Variants in FKTN observed in about 807,000 individuals in gnomAD.
The protein encoded by FKTN is fukutin.
FKTN carries 47 observed loss-of-function variants against 58.6 expected under a neutral mutation model. The ratio of observed to expected loss-of-function variants is 0.80; its 90% CI spans 0.63 to 1.02. The LOEUF is 1.02. FKTN is among the 50% of genes least tolerant of loss of function. FKTN has a pLI of 0.00. For missense variants in FKTN, 516 were observed against 537.3 expected (o/e 0.96, Z 0.39); for synonymous variants, 178 against 191.9 (o/e 0.93, Z 0.60).
rs191319461 is a variant in FKTN, at chr9:105,612,428, A to G, written c.781-2850A>G. Among the ~76,000 whole-genome samples, 9 of 152,034 alleles carry G rather than the reference A, an allele frequency of 5.9e-5. No individual in the cohort carries two copies. In the East Asian group the frequency reaches 1.7e-3, roughly 29 times the overall value. On this transcript the variant is annotated intron_variant, in intron 7 of 10. Coordinates refer to ENST00000357998, the MANE Select transcript of FKTN (RefSeq NM_001079802.2). ...TTTGTCAGTTTTTGCTTTTGTTGCA[A>G]TTTCTTTTGGCATCTTCATGAAATT...
chr9:105,579,100 C>T (rs1046073967), intron 3 of FKTN, among the ~76,000 whole-genome samples: 1 of 151,636 alleles, frequency 6.6e-6, no homozygotes, highest in Non-Finnish European at 1.5e-5. Flanking sequence ...ATTTTGTTGA[C>T]CTTTTCAAAA....
chr9:105,575,522 T>A (rs188411454), intron 3 of FKTN, among the ~76,000 whole-genome samples: 1 of 152,336 alleles, frequency 6.6e-6, no homozygotes, highest in Admixed American at 6.5e-5. Context: ...GACTTACCTT[T>A]ATCTGTATGT....
intron 3 of FKTN, among the ~76,000 whole-genome samples, chr9:105,584,454 A>C (rs962740312): frequency 6.6e-5 from 10 of 151,876 alleles, no homozygotes; most frequent in Admixed American, 6.6e-4. Context: ...CTTGTTTTTT[A>C]TGTTTACTTT....
chr9:105,639,793 C>T lies in FKTN; in HGVS notation c.*4529C>T. 5 of 1,156,818 alleles carry T rather than the reference C, an allele frequency of 4.3e-6. No individual in the cohort carries two copies. Among genetic ancestry groups the T allele is most frequent in the Non-Finnish European group, 5.3e-6 (5 of 939,268 alleles). The allele number at this position is 1,156,818 out of a possible 1,614,324, so 71.7% of individuals were successfully genotyped here. Reference sequence around the variant, plus strand: ...TTCATTTTCTTGGTTAAGCAGTTGTCTCCTAATATTATCCCATATGCTACC... The same window carrying T: ...TTCATTTTCTTGGTTAAGCAGTTGTTTCCTAATATTATCCCATATGCTACC... On this transcript the variant is annotated 3_prime_UTR_variant, in exon 11 of 11. Transcript: ENST00000357998.
chr9:105,640,338 G>A lies in FKTN; in HGVS notation c.*5074G>A, dbSNP rs545936210. ...AGCTAAGGCAGGTGGATCACTTGAG[G>A]CCAGGAGTTCGAGACCAGCCTGGCC... is the stretch of plus-strand genomic sequence containing the variant. On this transcript the variant is annotated 3_prime_UTR_variant, in exon 11 of 11. Coordinates refer to ENST00000357998, the MANE Select transcript of FKTN (RefSeq NM_001079802.2). The A allele has an allele frequency of 7.5e-6, 4 of 533,004 alleles. No homozygotes were observed. Among genetic ancestry groups the A allele is most frequent in the African/African-American group, 2.0e-5 (1 of 51,270 alleles). 33.0% of individuals were successfully genotyped at this position (533,004 alleles called of 1,614,324 possible). A position where few individuals can be genotyped will look rare whatever the true frequency, so the allele number is the denominator to read the frequency against.
chr9:105,614,884 C>CTT (rs35592716), intron 7 of FKTN, among the ~76,000 whole-genome samples: 24 of 144,706 alleles, frequency 1.7e-4, no homozygotes, highest in Admixed American at 5.5e-4. Context: ...TCCTTTCTTT[C>CTT]TTTTTTTTTT....
chr9:105,572,249 TA>T (rs1292423741), intron 1 of FKTN, among the ~76,000 whole-genome samples: 13 of 151,684 alleles, frequency 8.6e-5, no homozygotes, highest in Admixed American at 4.6e-4. Flanking sequence ...TATATATATA[TA>T]TTTTAGTGTT....
At position 105,637,736 on chromosome 9, in the gene FKTN, C is replaced by T; in HGVS notation, c.*2472C>T. ...GGTAGTTAGGCACCCATGAATGTCT[C>T]CAGAGACATCCTGAGAGGCAAGATT... On this transcript the variant is annotated 3_prime_UTR_variant, in exon 11 of 11. Coordinates refer to ENST00000357998, the MANE Select transcript of FKTN (RefSeq NM_001079802.2). 8 of 985,364 alleles carry T rather than the reference C, an allele frequency of 8.1e-6. No individual in the cohort carries two copies. Among genetic ancestry groups the T allele is most frequent in the Non-Finnish European group, 9.6e-6 (8 of 829,920 alleles). The allele number at this position is 985,364 out of a possible 1,614,324, so 61.0% of individuals were successfully genotyped here.
intron 8 of FKTN, 71 bp downstream of exon 8, chr9:105,615,478 G>C: frequency 1.4e-6 from 2 of 1,445,032 alleles, no homozygotes; most frequent in Non-Finnish European, 9.7e-7. Context: ...TACTGCTTGA[G>C]ATGACAAAAT....
At chr9:105,615,928 A>C (rs1370029286) in intron 8 of FKTN, among the ~76,000 whole-genome samples, 2 of 152,188 alleles carry the variant, frequency 1.3e-5, no homozygotes, top group African/African-American at 4.8e-5. Context: ...ACTCACTGTT[A>C]TTCTTCTTAC....
intron 1 of FKTN, among the ~76,000 whole-genome samples, chr9:105,559,291 T>A (rs1837816493): frequency 6.6e-6 from 1 of 152,220 alleles, no homozygotes; most frequent in Admixed American, 6.5e-5. Flanking sequence ...AGCTGATCTC[T>A]CTTCTCTAAA....
At position 105,635,863 on chromosome 9, in the gene FKTN, A is replaced by C. The variant is rs1372298183; in HGVS notation, c.*599A>C. The C allele has an allele frequency of 3.0e-6, 3 of 993,176 alleles. No homozygotes were observed. Among genetic ancestry groups the C allele is most frequent in the Non-Finnish European group, 3.6e-6 (3 of 833,806 alleles). 61.5% of individuals were successfully genotyped at this position (993,176 alleles called of 1,614,324 possible). ...GCATTATTCTTTTAGGGAAGGTGAG[A>C]GCTTATTTGTATCAGAGCTTATTAC... On this transcript the variant is annotated 3_prime_UTR_variant, in exon 11 of 11. Transcript: ENST00000357998.
intron 1 of FKTN, among the ~76,000 whole-genome samples, chr9:105,568,529 C>G (rs1318555153): frequency 6.6e-6 from 1 of 152,156 alleles, no homozygotes; most frequent in Non-Finnish European, 1.5e-5. Flanking sequence ...CCAACAGACA[C>G]ATGAAAAAAT....
At chr9:105,571,307 G>A (rs2131932541) in intron 1 of FKTN, among the ~76,000 whole-genome samples, 1 of 152,176 alleles carries the variant, frequency 6.6e-6, no homozygotes, top group South Asian at 2.1e-4. Context: ...CTTTTTTTCA[G>A]TGTCACATTA....
Position 105,636,013 on chromosome 9 carries a change from C to A in FKTN, c.*749C>A, listed in dbSNP as rs1038358194. 1.8e-5 allele frequency: 18 copies of A among 985,460 alleles called. No individual in the cohort carries two copies. The African/African-American group carries it at 3.1e-4, about 17-fold the overall frequency. The allele number at this position is 985,460 out of a possible 1,614,324, so 61.0% of individuals were successfully genotyped here. A position where few individuals can be genotyped will look rare whatever the true frequency, so the allele number is the denominator to read the frequency against. On this transcript the variant is annotated 3_prime_UTR_variant, in exon 11 of 11. Coordinates refer to ENST00000357998, the MANE Select transcript of FKTN (RefSeq NM_001079802.2). ...GAATATTTTCACTGACCTCTGATGG[C>A]ACTTGTTGACAAATCATTCAAGTGA... is the stretch of plus-strand genomic sequence containing the variant.
chr9:105,598,812 C>A (rs1827291626), intron 4 of FKTN: 1 of 152,036 alleles, frequency 6.6e-6, no homozygotes, highest in South Asian at 2.1e-4. Flanking sequence ...AACCTGAGAT[C>A]CATTCAACAA....
At chr9:105,564,889 A>G (rs957106216) in intron 1 of FKTN, among the ~76,000 whole-genome samples, 2 of 152,252 alleles carry the variant, frequency 1.3e-5, no homozygotes, top group African/African-American at 4.8e-5. Context: ...TGTTAAGGGC[A>G]GCCAGAGAGA....
intron 4 of FKTN, 63 bp downstream of exon 4, chr9:105,596,720 G>GT: frequency 8.6e-7 from 1 of 1,165,696 alleles, no homozygotes. Context: ...CATTTACTCC[G>GT]TAAGTATTTG....
At chr9:105,572,392 CTG>C (rs1840892844) in intron 1 of FKTN, among the ~76,000 whole-genome samples, 1 of 152,098 alleles carries the variant, frequency 6.6e-6, no homozygotes, top group South Asian at 2.1e-4. Context: ...AACAAGGAAA[CTG>C]AGAGAAAGAG....
Sources: allele counts gnomAD v4.1 joint callset (sites outside exome capture counted in the v4.1 genomes callset), GRCh38; gene constraint gnomAD v4.1.1; transcripts MANE v1.5; gene names NCBI Gene and HGNC (gene_info 2026-07-23, HGNC 2026-07-21).